Variants in TRPM3 observed in about 807,000 individuals in gnomAD.
TRPM3 encodes transient receptor potential cation channel subfamily M member 3.
TRPM3 carries 77 observed loss-of-function variants against 181.2 expected under a neutral mutation model. The observed-to-expected ratio is 0.42, with a 90% CI of 0.35 to 0.51. The LOEUF is 0.51. Ranked by LOEUF, TRPM3 falls within the 20% of genes least tolerant of loss-of-function variation. The pLI is 0.01. For synonymous variants in TRPM3, 745 were observed against 796.4 expected, an observed-to-expected ratio of 0.94 and a Z score of 1.09; for missense variants, 1,759 against 2,196.7, an observed-to-expected ratio of 0.80 and a Z score of 3.98.
intron 1 of TRPM3, among the ~76,000 whole-genome samples, chr9:70,936,033 G>A (rs2096825813): frequency 6.6e-6 from 1 of 152,172 alleles, no homozygotes; most frequent in Non-Finnish European, 1.5e-5. Flanking sequence ...AAGACTCCTG[G>A]CATTGCCTTT....
At chr9:71,064,539 G>A (rs1199030273) in intron 1 of TRPM3, among the ~76,000 whole-genome samples, 2 of 151,604 alleles carry the variant, frequency 1.3e-5, no homozygotes, top group African/African-American at 4.8e-5. Context: ...TTATACTCAA[G>A]TTCTTATATT....
At chr9:70,940,015 G>T (rs1029608186) in intron 1 of TRPM3, among the ~76,000 whole-genome samples, 7 of 152,112 alleles carry the variant, frequency 4.6e-5, no homozygotes, top group African/African-American at 1.2e-4. Flanking sequence ...AAACAACTTT[G>T]GTTCTTGTTT....
At chr9:70,588,858 A>G (rs2057617609) in intron 22 of TRPM3, among the ~76,000 whole-genome samples, 1 of 152,262 alleles carries the variant, frequency 6.6e-6, no homozygotes, top group Non-Finnish European at 1.5e-5. Flanking sequence ...GGAATGTTCA[A>G]TGACCTTGGC....
At chr9:70,771,065 G>A (rs530716999) in intron 7 of TRPM3, among the ~76,000 whole-genome samples, 1 of 152,302 alleles carries the variant, frequency 6.6e-6, no homozygotes, top group East Asian at 1.9e-4. Context: ...CAAAAGTCAT[G>A]CAAACTAGGG....
chr9:70,905,799 G>A (rs1449224590), intron 1 of TRPM3, among the ~76,000 whole-genome samples: 2 of 152,050 alleles, frequency 1.3e-5, no homozygotes, highest in Non-Finnish European at 2.9e-5. Flanking sequence ...CTGGAGTGCG[G>A]TGGTGCAATT....
At chr9:70,681,484 C>T (rs10123161) in intron 9 of TRPM3, 22 bp downstream of exon 9, 537,658 of 1,605,586 alleles carry the variant, frequency 0.33, 91,583 homozygotes, top group East Asian at 0.45. Flanking sequence ...TTTTCACACT[C>T]TCTGGACACA....
intron 1 of TRPM3, among the ~76,000 whole-genome samples, chr9:71,404,796 T>C (rs1439942432): frequency 1.3e-5 from 2 of 152,164 alleles, no homozygotes; most frequent in Admixed American, 6.6e-5. Context: ...TGCCCTAATT[T>C]CTTCTGCTTT....
chr9:71,305,881 A>T (rs967019322), intron 1 of TRPM3, among the ~76,000 whole-genome samples: 3 of 151,916 alleles, frequency 2.0e-5, no homozygotes, highest in South Asian at 2.1e-4. Context: ...TCCTTCTTTT[A>T]AAAAAAATCT....
intron 1 of TRPM3, among the ~76,000 whole-genome samples, chr9:71,339,474 A>G (rs75191978): frequency 0.022 from 3,404 of 152,110 alleles, 109 homozygotes; most frequent in African/African-American, 0.075. Context: ...TAGTGCATGA[A>G]TTGACAAGCC....
At chr9:70,968,397 G>A (rs1308511494) in intron 1 of TRPM3, among the ~76,000 whole-genome samples, 1 of 152,096 alleles carries the variant, frequency 6.6e-6, no homozygotes, top group Non-Finnish European at 1.5e-5. Context: ...ACACTCAAGT[G>A]GATTCCTTCC....
chr9:70,593,895 T>A (rs2058551073), intron 21 of TRPM3, among the ~76,000 whole-genome samples: 2 of 147,338 alleles, frequency 1.4e-5, no homozygotes, highest in African/African-American at 4.9e-5. Flanking sequence ...CACATATATA[T>A]AATATGCATT....
chr9:71,407,255 G>A (rs564646549), intron 1 of TRPM3, among the ~76,000 whole-genome samples: 3 of 152,256 alleles, frequency 2.0e-5, no homozygotes, highest in East Asian at 1.9e-4. Context: ...CATGAAGTGT[G>A]AGCTGAAGCA....
chr9:70,762,802 T>C (rs2078385044), intron 7 of TRPM3, among the ~76,000 whole-genome samples: 1 of 152,192 alleles, frequency 6.6e-6, no homozygotes, highest in Non-Finnish European at 1.5e-5. Flanking sequence ...GTGACAGAGT[T>C]ATCAGAATCA....
chr9:71,346,089 T>C (rs76550235), intron 1 of TRPM3, among the ~76,000 whole-genome samples: 1 of 152,222 alleles, frequency 6.6e-6, no homozygotes, highest in Non-Finnish European at 1.5e-5. Flanking sequence ...AGAATATTCA[T>C]AGCAGTTTTA....
At chr9:71,107,380 C>T (rs2069915818) in intron 1 of TRPM3, among the ~76,000 whole-genome samples, 1 of 152,134 alleles carries the variant, frequency 6.6e-6, no homozygotes, top group South Asian at 2.1e-4. Flanking sequence ...CAAGGGTTAT[C>T]TTTTCAAGGA....
At chr9:70,796,450 G>T (rs978775137) in intron 6 of TRPM3, among the ~76,000 whole-genome samples, 1 of 152,160 alleles carries the variant, frequency 6.6e-6, no homozygotes, top group Admixed American at 6.5e-5. Context: ...AATGCAAAAA[G>T]CTCCATTTTC....
intron 1 of TRPM3, among the ~76,000 whole-genome samples, chr9:70,901,855 T>C (rs1564722648): frequency 1.3e-5 from 2 of 152,152 alleles, no homozygotes; most frequent in East Asian, 3.9e-4. Context: ...GATATGAGAG[T>C]GCATGACAGC....
At chr9:71,141,942 T>A (rs1437152480) in intron 1 of TRPM3, among the ~76,000 whole-genome samples, 2 of 152,196 alleles carry the variant, frequency 1.3e-5, no homozygotes, top group African/African-American at 4.8e-5. Context: ...ACTGGGGCCA[T>A]AATATATCCA....
intron 1 of TRPM3, among the ~76,000 whole-genome samples, chr9:71,439,637 A>G (rs1000509117): frequency 6.6e-6 from 1 of 152,212 alleles, no homozygotes; most frequent in Non-Finnish European, 1.5e-5. Context: ...TGGGATCCAG[A>G]CAATCAAGGA....
Sources: allele counts gnomAD v4.1 joint callset (sites outside exome capture counted in the v4.1 genomes callset), GRCh38; gene constraint gnomAD v4.1.1; transcripts MANE v1.5; gene names NCBI Gene and HGNC (gene_info 2026-07-23, HGNC 2026-07-21).